Variants in TSPYL2 observed in about 807,000 individuals in gnomAD.
TSPYL2 encodes testis-specific Y-encoded-like protein 2.
In TSPYL2, 9 loss-of-function variants were observed where a neutral mutation model predicts 33.0. The ratio of observed to expected loss-of-function variants is 0.27; its 90% CI spans 0.16 to 0.48. The LOEUF (loss-of-function observed/expected upper bound fraction) is 0.48. Among genes scored for constraint, TSPYL2 ranks in the 20% least tolerant of loss-of-function variants. TSPYL2 has a pLI of 0.99. For missense variants in TSPYL2, 636 were observed against 586.2 expected (o/e 1.08, Z -0.88); for synonymous variants, 330 against 233.6 (o/e 1.41, Z -3.77).
intron 6 of TSPYL2, 32 bp from the exon 7 acceptor site, chrX:53,087,744 C>T (rs1932787605): frequency 2.5e-6 from 3 of 1,182,710 alleles, no homozygotes; most frequent in Non-Finnish European, 3.4e-6. Flanking sequence ...TGCCTTCCTC[C>T]ATTTCCCCTT....
At chrX:53,083,784 A>C (rs1309451978) in intron 1 of TSPYL2, among the ~76,000 whole-genome samples, 2 of 111,121 alleles carry the variant, frequency 1.8e-5, no homozygotes, top group Non-Finnish European at 3.8e-5. Flanking sequence ...CTGTAAACCT[A>C]GATTTTTGCT....
chrX:53,082,944 G>T lies in TSPYL2; in HGVS notation c.446G>T (p.Cys149Phe), dbSNP rs782792077. Residue 149 changes from cysteine (C) to phenylalanine (F), a missense_variant, in exon 1 of 7, where the codon TGT becomes TTT. By Grantham distance (205) the Cys-to-Phe change is radical. This residue lies in a region of TSPYL2 where 231 missense variants were observed against 201.6 expected (regional missense o/e 1.15). Transcript: ENST00000375442. ...SFGGEGALET[C>F]SAVGWAPQRL... Reference sequence around the variant, plus strand: ...GGTGGAGAGGGGGCCCTAGAAACCTGTAGCGCAGTGGGGTGGGCGCCCCAG... The same window carrying T: ...GGTGGAGAGGGGGCCCTAGAAACCTTTAGCGCAGTGGGGTGGGCGCCCCAG... 8.3e-7 allele frequency: 1 copy of T among 1,208,740 alleles called. No individual in the cohort carries two copies. The highest frequency in any genetic ancestry group is 1.1e-6 in the Non-Finnish European group (1 of 894,913).
intron 6 of TSPYL2, chrX:53,086,893 G>A (rs967120991): frequency 5.1e-5 from 6 of 118,425 alleles, no homozygotes; most frequent in Admixed American, 4.9e-4. Flanking sequence ...GACCTGGAAG[G>A]GTGAAAATGC....
intron 1 of TSPYL2, among the ~76,000 whole-genome samples, chrX:53,083,916 G>C (rs1932690998): frequency 8.9e-6 from 1 of 111,813 alleles, no homozygotes; most frequent in African/African-American, 3.3e-5. Flanking sequence ...TTAAATGAAG[G>C]AAAGGGGAGA....
Position 53,082,426 on chromosome X carries a change from G to A in TSPYL2, c.-73G>A. The A allele has an allele frequency of 3.0e-6, 3 of 1,012,925 alleles. No homozygotes were observed. Among genetic ancestry groups the A allele is most frequent in the Non-Finnish European group, 3.9e-6 (3 of 771,090 alleles). 83.5% of individuals were successfully genotyped at this position (1,012,925 alleles called of 1,213,427 possible). A position where few individuals can be genotyped will look rare whatever the true frequency, so the allele number is the denominator to read the frequency against. ...TCTCCTCAGCTCTGCTTACCGGTGC[G>A]ACTAGCGGCAGCGACGCGGCTAAAA... On this transcript the variant is annotated 5_prime_UTR_variant, in exon 1 of 7. Coordinates refer to ENST00000375442, the MANE Select transcript of TSPYL2 (RefSeq NM_022117.4).
At chrX:53,085,562 C>T (rs782210533) in intron 5 of TSPYL2, 69 bp from the exon 6 acceptor site, 1 of 1,092,671 alleles carries the variant, frequency 9.2e-7, no homozygotes, top group East Asian at 3.0e-5. Context: ...CCAGTTACTT[C>T]CCACCTTTGA....
At position 53,085,856 on chromosome X, in the gene TSPYL2, CAACAACGAGACCACTGAT is replaced by C; in HGVS notation, c.1475_1492del (p.Thr492_Glu497del). On this transcript the variant is annotated inframe_deletion, in exon 6 of 7. Coordinates refer to ENST00000375442, the MANE Select transcript of TSPYL2 (RefSeq NM_022117.4). ...AGAATCCTGACCACAATGAGGTCCC[CAACAACGAGACCACTGAT>C]AACAACGAGAGTGCTGATGACCACG... 5.8e-6 allele frequency: 7 copies of C among 1,211,226 alleles called. No homozygotes were observed. The highest frequency in any genetic ancestry group is 3.5e-5 in the South Asian group (2 of 56,896).
At chrX:53,084,498 CT>C in intron 1 of TSPYL2, 46 bp from the exon 2 acceptor site, 1 of 1,082,959 alleles carries the variant, frequency 9.2e-7, no homozygotes, top group Non-Finnish European at 1.2e-6. Context: ...CCCTCCCTCC[CT>C]TTCACGGAAT....
chrX:53,086,109 GATA>G lies in TSPYL2; in HGVS notation c.1720_1722del (p.Asn574del), dbSNP rs1267187736. 3.3e-5 allele frequency: 39 copies of G among 1,177,807 alleles called. No homozygotes were observed. Among genetic ancestry groups the G allele is most frequent in the Admixed American group, 7.5e-5 (3 of 39,833 alleles). On this transcript the variant is annotated inframe_deletion, in exon 6 of 7. Transcript: ENST00000375442. ...AGCAGATGAGGCCAGTGATGATGAA[GATA>G]ATGATGGCAACGAAGGTGACAATGA...
Position 53,085,244 on chromosome X carries a change from G to C in TSPYL2, c.1161G>C (p.Leu387=), listed in dbSNP as rs1444434420. The C allele has an allele frequency of 1.9e-5, 23 of 1,205,776 alleles. No homozygotes were observed. The highest frequency in any genetic ancestry group is 2.6e-5 in the Non-Finnish European group (23 of 893,184). Reference sequence around the variant, plus strand: ...TTCAACAGATTATCAAGAATGATCTGTGGGTTAACCCTCTACGCTACTACC... The same window carrying C: ...TTCAACAGATTATCAAGAATGATCTCTGGGTTAACCCTCTACGCTACTACC... ...DRIAEIIKND[L]WVNPLRYYLR... is the part of the protein sequence containing the mutation. Residue 387 remains leucine, a synonymous_variant, in exon 5 of 7, where the codon CTG becomes CTC. Transcript: ENST00000375442.
At position 53,087,876 on chromosome X, in the gene TSPYL2, A is replaced by G; in HGVS notation, c.2019A>G (p.Leu673=). The change falls in exon 7 of 7, where the codon CTA becomes CTG. Residue 673 remains leucine (L), a synonymous_variant. Transcript: ENST00000375442. ...EEGEDSDDSD[L]EDVLQVPNGW... ...GGGAAGATTCGGACGACTCTGACCT[A>G]GAGGATGTGCTTCAGGTCCCAAACG... 1 of 1,211,634 alleles carries G rather than the reference A, an allele frequency of 8.3e-7. No homozygotes were observed. The highest frequency in any genetic ancestry group is 1.1e-6 in the Non-Finnish European group (1 of 895,189).
At chrX:53,084,492 C>T (rs1932710230) in intron 1 of TSPYL2, 53 bp from the exon 2 acceptor site, 2 of 1,050,145 alleles carry the variant, frequency 1.9e-6, no homozygotes, top group Admixed American at 3.1e-5. Context: ...GGCCTTCCCT[C>T]CCTCCCTTTC....
Position 53,082,468 on chromosome X carries a change from G to A in TSPYL2, c.-31G>A. The A allele has an allele frequency of 9.0e-7, 1 of 1,116,526 alleles. No individual in the cohort carries two copies. Among genetic ancestry groups the A allele is most frequent in the Non-Finnish European group, 1.2e-6 (1 of 854,379 alleles). The allele number at this position is 1,116,526 out of a possible 1,213,427, so 92.0% of individuals were successfully genotyped here. A position where few individuals can be genotyped will look rare whatever the true frequency, so the allele number is the denominator to read the frequency against. On this transcript the variant is annotated 5_prime_UTR_variant, in exon 1 of 7. Coordinates refer to ENST00000375442, the MANE Select transcript of TSPYL2 (RefSeq NM_022117.4). Reference sequence around the variant, plus strand: ...CGGCTAAAAGCGAAGGGGCGAGTGCGAGTCCCCTGAGCTGTACGAACGCGG... The same window carrying A: ...CGGCTAAAAGCGAAGGGGCGAGTGCAAGTCCCCTGAGCTGTACGAACGCGG...
chrX:53,086,444 TAAAC>T (rs1556808766), intron 6 of TSPYL2, 134 bp downstream of exon 6: 1 of 606,490 alleles, frequency 1.6e-6, no homozygotes, highest in Admixed American at 3.6e-5. Flanking sequence ...AGCAACTTTT[TAAAC>T]AAAGGAAGTC....
rs372601931 is a variant in TSPYL2, at chrX:53,083,143, C to T, written c.645C>T (p.Ile215=). 2.5e-6 allele frequency: 3 copies of T among 1,210,818 alleles called. No homozygotes were observed. The East Asian group carries it at 8.9e-5, about 36-fold the overall frequency. Residue 215 remains isoleucine (I), a synonymous_variant, in exon 1 of 7, where the codon ATC becomes ATT. Coordinates refer to ENST00000375442, the MANE Select transcript of TSPYL2 (RefSeq NM_022117.4). The part of the protein sequence containing the change: ...RERNAERMES[I]LQALEDIQLD... The stretch of plus-strand genomic sequence containing the variant: ...GAAATGCCGAGAGGATGGAGAGCAT[C>T]CTGCAGGCACTGGAGGATATTCAGC...
rs1932662420 is a variant in TSPYL2 at position 53,083,044 on chromosome X, T to C, written c.546T>C (p.Ser182=). ...ATGAGGATGAGGATGAGCGGGAGAG[T>C]ATGAGGAGCAGCAGGAGGCGGCGGC... ...VEDEDEDERE[S]MRSSRRRRRR... Residue 182 remains serine (S), a synonymous_variant, in exon 1 of 7, where the codon AGT becomes AGC. Transcript: ENST00000375442. The C allele has an allele frequency of 3.3e-6, 4 of 1,199,130 alleles. No individual in the cohort carries two copies. In the East Asian group the frequency reaches 1.2e-4, roughly 36 times the overall value.
chrX:53,085,359 G>T lies in TSPYL2; in HGVS notation c.1238+38G>T, dbSNP rs368740561. ...TGGTCGCTGAGAGGTGGTTTGTTGG[G>T]GATGGGGAAAAGACTAGTGTAACAC... On this transcript the variant is annotated intron_variant, in intron 5 of 6. Transcript: ENST00000375442. 1.5e-4 allele frequency: 171 copies of T among 1,108,448 alleles called. No individual in the cohort carries two copies. The African/African-American group carries it at 3.0e-3, about 19-fold the overall frequency. The allele number at this position is 1,108,448 out of a possible 1,213,427, so 91.3% of individuals were successfully genotyped here.
rs371869086 is a variant in TSPYL2 at position 53,084,717 on chromosome X, G to T, written c.886-38G>T. 15 of 1,186,021 alleles carry T rather than the reference G, an allele frequency of 1.3e-5. No individual in the cohort carries two copies. The highest frequency in any genetic ancestry group is 5.3e-5 in the African/African-American group (3 of 56,197). ...GTGGGAAGGGCCGTGGTGTGTTGGG[G>T]GGGGGACAGATTCCACCATCACCCC... On this transcript the variant is annotated intron_variant, in intron 2 of 6. Coordinates refer to ENST00000375442, the MANE Select transcript of TSPYL2 (RefSeq NM_022117.4).
chrX:53,085,479 A>G lies in TSPYL2; in HGVS notation c.1239-152A>G, dbSNP rs905725964. ...ATGCCCAGAAATGGCTTGAGGTTAC[A>G]CAGTCAGGGGCAGAAGTGGGACTTT... On this transcript the variant is annotated intron_variant, in intron 5 of 6. Transcript: ENST00000375442. 1.5e-4 allele frequency: 110 copies of G among 740,442 alleles called. No homozygotes were observed. The African/African-American group carries it at 1.9e-3, about 13-fold the overall frequency. 61.0% of individuals were successfully genotyped at this position (740,442 alleles called of 1,213,427 possible). A position where few individuals can be genotyped will look rare whatever the true frequency, so the allele number is the denominator to read the frequency against.
Sources: allele counts gnomAD v4.1 joint callset (sites outside exome capture counted in the v4.1 genomes callset), GRCh38; gene constraint gnomAD v4.1.1; regional missense constraint gnomAD v4.1.1; transcripts MANE v1.5; gene names NCBI Gene and HGNC (gene_info 2026-07-23, HGNC 2026-07-21).